The following TMEM132D variants were observed in gnomAD, a reference collection of about 807,000 sequenced individuals.
TMEM132D encodes mature OL transmembrane protein.
In TMEM132D, 21 loss-of-function variants were observed where a neutral mutation model predicts 62.3. The ratio of observed to expected loss-of-function variants is 0.34; its 90% confidence interval spans 0.24 to 0.49. TMEM132D has a LOEUF of 0.49. Among genes scored for constraint, TMEM132D ranks in the 20% least tolerant of loss-of-function variants. TMEM132D has a pLI of 0.99. For synonymous variants in TMEM132D, 621 were observed against 575.6 expected, an observed-to-expected ratio of 1.08 and a Z score of -1.13; for missense variants, 1,346 against 1,402.8, an observed-to-expected ratio of 0.96 and a Z score of 0.65.
chr12:129,127,887 G>A lies in TMEM132D; in HGVS notation c.1444-43185C>T, dbSNP rs78128884. On this transcript the variant is annotated intron_variant, in intron 5 of 8. Coordinates refer to ENST00000422113, the MANE Select transcript of TMEM132D (RefSeq NM_133448.3). ...GGGCCAGCGGCCTGCAGACGAGGCC[G>A]GCACTCACCTCTGCGGCCTCAAGTA... Among the ~76,000 whole-genome samples the A allele has an allele frequency of 1.1e-3, 163 of 152,288 alleles. 2 individuals are homozygous for A. In the East Asian group the frequency reaches 0.025, roughly 23 times the overall value.
chr12:129,712,465 G>A (rs1276382223), intron 1 of TMEM132D, among the ~76,000 whole-genome samples: 2 of 152,132 alleles, frequency 1.3e-5, no homozygotes, highest in Non-Finnish European at 2.9e-5. Flanking sequence ...TTTTAATTAG[G>A]GGAAGAGCTA....
chr12:129,640,564 G>T (rs1420259914), intron 2 of TMEM132D, among the ~76,000 whole-genome samples: 3 of 152,140 alleles, frequency 2.0e-5, no homozygotes, highest in African/African-American at 7.2e-5. Flanking sequence ...AAGGTGTTGG[G>T]CACTCCCAGC....
In TMEM132D at chr12:129,088,557, T is replaced by G. The variant is rs1252137554; in HGVS notation, c.1444-3855A>C. Among the ~76,000 whole-genome samples, 90 of 20,134 alleles carry G rather than the reference T, an allele frequency of 4.5e-3. 31 individuals carry two copies. In the East Asian group the frequency reaches 0.12, roughly 27 times the overall value. 13.2% of individuals were successfully genotyped at this position (20,134 alleles called of 152,430 possible). A position where few individuals can be genotyped will look rare whatever the true frequency, so the allele number is the denominator to read the frequency against. Reference sequence around the variant, plus strand: ...TGACCGGGTGTCCTCCCTGACCGGGTGTCCTCCCTGACCGGGTGTCCTCCA... The same window carrying G: ...TGACCGGGTGTCCTCCCTGACCGGGGGTCCTCCCTGACCGGGTGTCCTCCA... On this transcript the variant is annotated intron_variant, in intron 5 of 8. Transcript: ENST00000422113.
chr12:129,335,697 G>A (rs1010917207), intron 4 of TMEM132D, among the ~76,000 whole-genome samples: 10 of 151,504 alleles, frequency 6.6e-5, no homozygotes, highest in African/African-American at 1.5e-4. Flanking sequence ...GAGAATTGTC[G>A]AAGATGCTGT....
intron 3 of TMEM132D, among the ~76,000 whole-genome samples, chr12:129,441,847 G>A (rs183383499): frequency 1.3e-5 from 2 of 152,300 alleles, no homozygotes; most frequent in Admixed American, 6.5e-5. Context: ...CAACATGGAT[G>A]CAGTGGGAGG....
intron 1 of TMEM132D, among the ~76,000 whole-genome samples, chr12:129,757,387 T>A (rs1165936826): frequency 6.6e-6 from 1 of 152,162 alleles, no homozygotes; most frequent in Non-Finnish European, 1.5e-5. Context: ...GCCAATTTTG[T>A]TTTTCTGACT....
At chr12:129,614,486 G>A (rs1430552438) in intron 2 of TMEM132D, among the ~76,000 whole-genome samples, 2 of 152,224 alleles carry the variant, frequency 1.3e-5, no homozygotes, top group African/African-American at 4.8e-5. Flanking sequence ...AGGGTCAGAT[G>A]CAATCACTCT....
At chr12:129,413,619 G>A (rs1305305795) in intron 3 of TMEM132D, among the ~76,000 whole-genome samples, 2 of 152,030 alleles carry the variant, frequency 1.3e-5, no homozygotes, top group Admixed American at 1.3e-4. Flanking sequence ...TTTTTGGCAA[G>A]CACCTTCCTA....
At chr12:129,755,459 G>A (rs2137270700) in intron 1 of TMEM132D, among the ~76,000 whole-genome samples, 1 of 152,286 alleles carries the variant, frequency 6.6e-6, no homozygotes, top group African/African-American at 2.4e-5. Flanking sequence ...TGGAATGGCT[G>A]CCCTTAGACT....
At chr12:129,573,277 G>A (rs528159823) in intron 2 of TMEM132D, among the ~76,000 whole-genome samples, 1 of 152,318 alleles carries the variant, frequency 6.6e-6, no homozygotes, top group South Asian at 2.1e-4. Context: ...AAGCCCACAG[G>A]GGACCACTCC....
chr12:129,461,575 A>G (rs1873673148), intron 3 of TMEM132D, among the ~76,000 whole-genome samples: 1 of 152,182 alleles, frequency 6.6e-6, no homozygotes, highest in South Asian at 2.1e-4. Context: ...TGACTTATTC[A>G]TCTTCTTACA....
chr12:129,189,308 T>G (rs544429448), intron 5 of TMEM132D, among the ~76,000 whole-genome samples: 1 of 152,248 alleles, frequency 6.6e-6, no homozygotes, highest in African/African-American at 2.4e-5. Context: ...TAGTACCAGA[T>G]GCTGCCTGGA....
Position 129,081,642 on chromosome 12 carries a change from C to T in TMEM132D, c.1923+117G>A, listed in dbSNP as rs998955865. 44 of 1,392,746 alleles carry T rather than the reference C, an allele frequency of 3.2e-5. No individual in the cohort carries two copies. In the African/African-American group the frequency reaches 4.8e-4, roughly 15 times the overall value. 86.3% of individuals were successfully genotyped at this position (1,392,746 alleles called of 1,614,324 possible). On this transcript the variant is annotated intron_variant, in intron 7 of 8. Coordinates refer to ENST00000422113, the MANE Select transcript of TMEM132D (RefSeq NM_133448.3). ...ACTCCACAATTTCTTTGAATTTACCCATCCTAAAAATAGATACCATTCCCA... is the reference window on the plus strand; with the variant it reads ...ACTCCACAATTTCTTTGAATTTACCTATCCTAAAAATAGATACCATTCCCA...
intron 5 of TMEM132D, among the ~76,000 whole-genome samples, chr12:129,121,763 A>G (rs1011540478): frequency 2.6e-5 from 4 of 152,204 alleles, no homozygotes; most frequent in African/African-American, 9.6e-5. Context: ...AAGATGATCA[A>G]AAGCCATGGT....
At chr12:129,113,949 G>A (rs534481150) in intron 5 of TMEM132D, among the ~76,000 whole-genome samples, 1 of 152,096 alleles carries the variant, frequency 6.6e-6, no homozygotes, top group South Asian at 2.1e-4. Context: ...GGACAGTAAG[G>A]GCTTCAGCAG....
Position 129,406,322 on chromosome 12 carries a change from A to C in TMEM132D, c.1116-68505T>G, listed in dbSNP as rs76130642. Among the ~76,000 whole-genome samples the C allele has an allele frequency of 8.1e-4, 124 of 152,318 alleles. No individual in the cohort carries two copies. The East Asian group carries it at 0.021, about 26-fold the overall frequency. On this transcript the variant is annotated intron_variant, in intron 3 of 8. Transcript: ENST00000422113. The stretch of plus-strand genomic sequence containing the variant: ...GTGTACACATATGTATATGCAATGT[A>C]GATAGGAACACACGTGGGCTGGGCG...
intron 4 of TMEM132D, among the ~76,000 whole-genome samples, chr12:129,216,962 T>G (rs1241088189): frequency 6.6e-6 from 1 of 152,196 alleles, no homozygotes; most frequent in Non-Finnish European, 1.5e-5. Flanking sequence ...TTATTTAAAT[T>G]GACTTATTTT....
intron 3 of TMEM132D, among the ~76,000 whole-genome samples, chr12:129,442,397 C>T (rs1473928130): frequency 6.6e-6 from 1 of 152,176 alleles, no homozygotes. Flanking sequence ...AGAAACGATC[C>T]TGGACTTAAG....
chr12:129,585,570 C>T (rs1878002290), intron 2 of TMEM132D, among the ~76,000 whole-genome samples: 1 of 152,184 alleles, frequency 6.6e-6, no homozygotes, highest in South Asian at 2.1e-4. Flanking sequence ...AATGATTCCT[C>T]AAATGCACAA....
Sources: gnomAD v4.1 joint callset for allele counts (sites outside exome capture counted in the v4.1 genomes callset) on GRCh38, gnomAD v4.1.1 for gene constraint, MANE v1.5 for transcripts, NCBI Gene and HGNC (gene_info 2026-07-23, HGNC 2026-07-21) for gene names.